Variants in NOMO3 observed in about 807,000 individuals in gnomAD.
NOMO3 encodes NODAL modulator 3.
A neutral mutation model predicts 69.9 loss-of-function variants in NOMO3; 15 were observed. The ratio of observed to expected loss-of-function variants is 0.21; its 90% CI spans 0.14 to 0.33. The LOEUF is 0.33. Among genes scored for constraint, NOMO3 ranks in the 10% least tolerant of loss-of-function variants. NOMO3 has a pLI of 1.00. For synonymous variants in NOMO3, 89 were observed against 301.9 expected, an observed-to-expected ratio of 0.29 and a Z score of 7.31; for missense variants, 218 against 761.0, an observed-to-expected ratio of 0.29 and a Z score of 8.39.
chr16:16,239,761 A>T, intron 2 of NOMO3, 90 bp from the exon 3 acceptor site: 1 of 402,586 alleles, frequency 2.5e-6, no homozygotes, highest in Non-Finnish European at 4.1e-6. Flanking sequence ...GGTGTAAAAA[A>T]ATTTTAGATT....
intron 6 of NOMO3, among the ~76,000 whole-genome samples, chr16:16,249,316 C>T (rs2141251468): frequency 6.9e-6 from 1 of 145,430 alleles, no homozygotes; most frequent in South Asian, 2.2e-4. Flanking sequence ...CGCAGTTGCT[C>T]ATGCTGTAAT....
At chr16:16,238,687 C>A (rs1475466706) in intron 2 of NOMO3, among the ~76,000 whole-genome samples, 3 of 142,758 alleles carry the variant, frequency 2.1e-5, no homozygotes, top group Admixed American at 2.0e-4. Context: ...CTTAACTCTT[C>A]ATCCAGAATG....
At chr16:16,250,206 T>C (rs1431484574) in intron 6 of NOMO3, among the ~76,000 whole-genome samples, 1 of 143,910 alleles carries the variant, frequency 6.9e-6, no homozygotes, top group Non-Finnish European at 1.5e-5. Flanking sequence ...GGTGGCTGCT[T>C]GAATTGGGTG....
intron 13 of NOMO3, 109 bp from the exon 14 acceptor site, chr16:16,263,404 C>G: frequency 1.3e-6 from 2 of 1,501,826 alleles, no homozygotes; most frequent in Middle Eastern, 2.5e-4. Context: ...CGGCCACTGC[C>G]TCTTAGGAGC....
rs913683468 is a variant in NOMO3, at chr16:16,258,277, T to C, written c.1220+2119T>C. On this transcript the variant is annotated intron_variant, in intron 11 of 30. Transcript: ENST00000399336. Reference sequence around the variant, plus strand: ...CAAATACATTTATGCTGCTAAATTATGGCAAATGTTGTGCAGGGAAGAGAT... The same window carrying C: ...CAAATACATTTATGCTGCTAAATTACGGCAAATGTTGTGCAGGGAAGAGAT... Among the ~76,000 whole-genome samples, 2 of 137,796 alleles carry C rather than the reference T, an allele frequency of 1.5e-5. 1 individual carries two copies. Among genetic ancestry groups the C allele is most frequent in the Non-Finnish European group, 3.0e-5 (2 of 65,932 alleles). The allele number at this position is 137,796 out of a possible 152,430, so 90.4% of individuals were successfully genotyped here. A position where few individuals can be genotyped will look rare whatever the true frequency, so the allele number is the denominator to read the frequency against.
At chr16:16,236,621 C>T (rs2049329077) in intron 1 of NOMO3, among the ~76,000 whole-genome samples, 1 of 144,568 alleles carries the variant, frequency 6.9e-6, no homozygotes, top group South Asian at 2.2e-4. Context: ...GAAACTTACA[C>T]GAGCAACCTA....
intron 1 of NOMO3, chr16:16,236,054 AG>A (rs1436651740): frequency 5.4e-6 from 1 of 183,630 alleles, no homozygotes; most frequent in Non-Finnish European, 1.1e-5. Flanking sequence ...AAGAGAGGAC[AG>A]ATATTAAATG....
At chr16:16,265,020 G>A (rs774148024) in intron 14 of NOMO3, 23 bp from the exon 15 acceptor site, 21 of 1,502,732 alleles carry the variant, frequency 1.4e-5, no homozygotes, top group African/African-American at 7.3e-5. Context: ...CCATGTATCC[G>A]TTTTTGGTGT....
At position 16,258,691 on chromosome 16, in the gene NOMO3, C is replaced by T. The variant is rs1208629152; in HGVS notation, c.1220+2533C>T. 2.1e-5 allele frequency among the ~76,000 whole-genome samples: 3 copies of T among 142,830 alleles called. 1 individual carries two copies. Among genetic ancestry groups the T allele is most frequent in the African/African-American group, 8.7e-5 (3 of 34,526 alleles). 93.7% of individuals were successfully genotyped at this position (142,830 alleles called of 152,430 possible). A position where few individuals can be genotyped will look rare whatever the true frequency, so the allele number is the denominator to read the frequency against. On this transcript the variant is annotated intron_variant, in intron 11 of 30. Coordinates refer to ENST00000399336, the MANE Select transcript of NOMO3 (RefSeq NM_001004067.4). The stretch of plus-strand genomic sequence containing the variant: ...GCAGCCTGGCCAGCATGGTGAAACC[C>T]GGTCTGTACTAAAGATACAAAAGGT...
intron 7 of NOMO3, chr16:16,251,555 A>T (rs2049463003): frequency 8.2e-6 from 2 of 244,058 alleles, no homozygotes; most frequent in South Asian, 1.2e-4. Context: ...AAGACATTGC[A>T]CATCTACACT....
chr16:16,243,823 C>T (rs2049393979), intron 4 of NOMO3, among the ~76,000 whole-genome samples: 1 of 142,098 alleles, frequency 7.0e-6, no homozygotes, highest in Non-Finnish European at 1.5e-5. Context: ...TGCACCCAGC[C>T]GCTGTTAGCG....
At chr16:16,265,637 GATATATATATATATAT>G (rs1160088009) in intron 15 of NOMO3, among the ~76,000 whole-genome samples, 2 of 42,380 alleles carry the variant, frequency 4.7e-5, no homozygotes, top group African/African-American at 1.4e-4. Context: ...GAGTTTCTCT[GATATATATATATATAT>G]ATATATATAT....
chr16:16,266,525 T>TA (rs1344811048), intron 15 of NOMO3: 1 of 307,790 alleles, frequency 3.2e-6, no homozygotes, highest in Non-Finnish European at 5.7e-6. Context: ...CCTTTGCACA[T>TA]ACTCTCCCCT....
chr16:16,255,826 G>A lies in NOMO3; in HGVS notation c.1069+1G>A, dbSNP rs1381371859. 25 of 1,548,040 alleles carry A rather than the reference G, an allele frequency of 1.6e-5. 2 individuals carry two copies. Among genetic ancestry groups the A allele is most frequent in the Non-Finnish European group, 2.1e-5 (24 of 1,155,254 alleles). ...GTCACCCTGAATAACCAAATCAAAG[G>A]TGGGCTGACACAGCAGCCCCAGGCT... is the stretch of plus-strand genomic sequence containing the variant. On this transcript the variant is annotated splice_donor_variant, in intron 10 of 30. Transcript: ENST00000399336. LOFTEE classifies it high-confidence loss of function.
intron 1 of NOMO3, among the ~76,000 whole-genome samples, chr16:16,234,080 A>G (rs71243458): frequency 0.032 from 4,844 of 151,794 alleles, 83 homozygotes; most frequent in African/African-American, 0.044. Flanking sequence ...GCTTTTTCAG[A>G]CTGAAGAGGT....
chr16:16,249,307 G>A (rs1469493391), intron 6 of NOMO3, among the ~76,000 whole-genome samples: 2 of 145,432 alleles, frequency 1.4e-5, no homozygotes, highest in Admixed American at 6.7e-5. Flanking sequence ...GAGGCTGGGC[G>A]CAGTTGCTCA....
intron 6 of NOMO3, among the ~76,000 whole-genome samples, chr16:16,249,833 G>A (rs2141251740): frequency 7.0e-6 from 1 of 143,728 alleles, no homozygotes; most frequent in Non-Finnish European, 1.5e-5. Flanking sequence ...TGGGTAATCA[G>A]TGCCCAATTT....
At chr16:16,250,003 C>G (rs1458636041) in intron 6 of NOMO3, among the ~76,000 whole-genome samples, 1 of 137,474 alleles carries the variant, frequency 7.3e-6, no homozygotes, top group Non-Finnish European at 1.5e-5. Flanking sequence ...GTCAATTGGG[C>G]AGCTCCCTGA....
Position 16,234,818 on chromosome 16 carries a change from T to G in NOMO3, c.165+1987T>G, listed in dbSNP as rs566636145. ...TTGTTCTCTAACAGGGACCTTACTG[T>G]TAAAAAAAAAAAAAATTATACTGGT... On this transcript the variant is annotated intron_variant, in intron 1 of 30. Coordinates refer to ENST00000399336, the MANE Select transcript of NOMO3 (RefSeq NM_001004067.4). Among the ~76,000 whole-genome samples the G allele has an allele frequency of 4.0e-5, 6 of 150,504 alleles. No homozygotes were observed. The East Asian group carries it at 1.2e-3, about 29-fold the overall frequency.
Sources: gnomAD v4.1 joint callset for allele counts (sites outside exome capture counted in the v4.1 genomes callset) on GRCh38, gnomAD v4.1.1 for gene constraint, MANE v1.5 for transcripts, NCBI Gene and HGNC (gene_info 2026-07-23, HGNC 2026-07-21) for gene names.